Variants in CNTN5 observed in about 807,000 individuals in gnomAD.
CNTN5 encodes contactin-5.
CNTN5 carries 77 observed loss-of-function variants against 129.1 expected under a neutral mutation model. The ratio of observed to expected loss-of-function variants is 0.60; its 90% CI spans 0.50 to 0.72. The LOEUF is 0.72. Ranked by LOEUF, CNTN5 falls within the 30% of genes least tolerant of loss-of-function variation. The pLI, the probability that CNTN5 is intolerant of heterozygous loss-of-function variation, is 0.00. For missense variants in CNTN5, 1,478 were observed against 1,328.8 expected (o/e 1.11, Z -1.75); for synonymous variants, 509 against 465.6 (o/e 1.09, Z -1.20).
chr11:99,229,211 A>G (rs1271426881), intron 1 of CNTN5, among the ~76,000 whole-genome samples: 2 of 152,180 alleles, frequency 1.3e-5, no homozygotes, highest in East Asian at 3.9e-4. Flanking sequence ...ATAATTTAAC[A>G]TTGAATTTTT....
chr11:100,315,444 T>C (rs780479049), intron 21 of CNTN5, among the ~76,000 whole-genome samples: 6 of 152,220 alleles, frequency 3.9e-5, no homozygotes, highest in Non-Finnish European at 5.9e-5. Context: ...AGAATAGTTT[T>C]GCAAAAGACA....
At chr11:99,310,681 C>A (rs1244714679) in intron 1 of CNTN5, among the ~76,000 whole-genome samples, 1 of 152,132 alleles carries the variant, frequency 6.6e-6, no homozygotes, top group Non-Finnish European at 1.5e-5. Context: ...TTATTCAATA[C>A]ACACTATAAA....
chr11:100,184,622 G>T (rs754627049), intron 13 of CNTN5, among the ~76,000 whole-genome samples: 8 of 152,058 alleles, frequency 5.3e-5, no homozygotes, highest in Non-Finnish European at 1.0e-4. Context: ...GCCCTGCCTG[G>T]CCAACACCTT....
chr11:99,208,534 T>A (rs187261969), intron 1 of CNTN5, among the ~76,000 whole-genome samples: 31 of 152,278 alleles, frequency 2.0e-4, no homozygotes, highest in Middle Eastern at 6.8e-3. Context: ...AAGATTTCGA[T>A]TAAAGTTCAC....
chr11:99,442,055 G>T (rs1252944509), intron 2 of CNTN5, among the ~76,000 whole-genome samples: 1 of 152,074 alleles, frequency 6.6e-6, no homozygotes, highest in Non-Finnish European at 1.5e-5. Flanking sequence ...AAGCAGAATT[G>T]CTCTGCTACC....
At chr11:100,224,670 TG>T (rs1949335250) in intron 15 of CNTN5, 21 bp from the exon 16 acceptor site, 1 of 1,602,942 alleles carries the variant, frequency 6.2e-7, no homozygotes, top group African/African-American at 1.3e-5. Context: ...CATTTTAAAC[TG>T]GCACTTCATC....
At position 100,277,996 on chromosome 11, in the gene CNTN5, G is replaced by A. The variant is rs567001594; in HGVS notation, c.2314+6755G>A. Reference sequence around the variant, plus strand: ...TTTGATTTGATTTTTATATGGCAAGGTATAAGAGTCTAGTTTCACTTTTCT... The same window carrying A: ...TTTGATTTGATTTTTATATGGCAAGATATAAGAGTCTAGTTTCACTTTTCT... On this transcript the variant is annotated intron_variant, in intron 18 of 24. Transcript: ENST00000524871. Among the ~76,000 whole-genome samples the A allele has an allele frequency of 1.1e-4, 17 of 152,044 alleles. No homozygotes were observed. The South Asian group carries it at 2.3e-3, about 20-fold the overall frequency.
At chr11:100,326,513 A>C (rs1951789751) in intron 21 of CNTN5, among the ~76,000 whole-genome samples, 1 of 152,132 alleles carries the variant, frequency 6.6e-6, no homozygotes, top group South Asian at 2.1e-4. Context: ...TATATCTTCC[A>C]CCATGCCCCT....
At chr11:99,975,188 A>G (rs754143913) in intron 8 of CNTN5, among the ~76,000 whole-genome samples, 52 of 152,250 alleles carry the variant, frequency 3.4e-4, no homozygotes, top group Non-Finnish European at 6.8e-4. Context: ...TACAAAAAAC[A>G]TAAGAACAGT....
chr11:99,773,227 G>C (rs950510184), intron 3 of CNTN5, among the ~76,000 whole-genome samples: 3 of 152,064 alleles, frequency 2.0e-5, no homozygotes, highest in Admixed American at 2.0e-4. Flanking sequence ...AGATAACAAG[G>C]TTAAAAGATG....
At chr11:99,792,789 G>C (rs1274492281) in intron 3 of CNTN5, among the ~76,000 whole-genome samples, 1 of 152,040 alleles carries the variant, frequency 6.6e-6, no homozygotes, top group East Asian at 1.9e-4. Context: ...TTTTCTTACT[G>C]TTTCAAATGC....
intron 7 of CNTN5, among the ~76,000 whole-genome samples, chr11:99,948,392 C>T (rs1225081763): frequency 6.6e-6 from 1 of 152,148 alleles, no homozygotes; most frequent in African/African-American, 2.4e-5. Flanking sequence ...ACTTGCATGG[C>T]ATTGTGACCA....
intron 13 of CNTN5, among the ~76,000 whole-genome samples, chr11:100,180,681 A>G (rs537311897): frequency 6.6e-6 from 1 of 152,136 alleles, no homozygotes; most frequent in East Asian, 1.9e-4. Flanking sequence ...GGTAAAAAGG[A>G]TAAAAGGTAA....
chr11:100,297,487 T>C (rs999916551), intron 18 of CNTN5, 138 bp from the exon 19 acceptor site: 2 of 684,368 alleles, frequency 2.9e-6, no homozygotes, highest in Non-Finnish European at 5.3e-6. Context: ...AAGCAGGGTG[T>C]TTCTGTCACC....
intron 1 of CNTN5, among the ~76,000 whole-genome samples, chr11:99,258,067 C>G (rs959406391): frequency 7.2e-5 from 11 of 151,988 alleles, no homozygotes. Context: ...GAAATTCTCG[C>G]GGAGTTTTGA....
At chr11:99,351,996 C>A (rs2136083916) in intron 2 of CNTN5, among the ~76,000 whole-genome samples, 1 of 152,274 alleles carries the variant, frequency 6.6e-6, no homozygotes, top group East Asian at 1.9e-4. Context: ...AAATATAAAG[C>A]AGATGACATT....
intron 2 of CNTN5, among the ~76,000 whole-genome samples, chr11:99,359,374 C>T (rs1160067104): frequency 2.6e-5 from 4 of 151,962 alleles, no homozygotes; most frequent in Non-Finnish European, 5.9e-5. Context: ...GACCGAATCA[C>T]CTCTCAGAGA....
At chr11:99,201,022 C>CTTTTTTTTTTTTT (rs755605041) in intron 1 of CNTN5, among the ~76,000 whole-genome samples, 1 of 83,172 alleles carries the variant, frequency 1.2e-5, no homozygotes, top group Non-Finnish European at 2.2e-5. Context: ...TCCTTCCTTC[C>CTTTTTTTTTTTTT]TTTTTTTTTT....
At chr11:99,885,214 C>G (rs1054519551) in intron 6 of CNTN5, among the ~76,000 whole-genome samples, 1 of 151,708 alleles carries the variant, frequency 6.6e-6, no homozygotes, top group Non-Finnish European at 1.5e-5. Flanking sequence ...CCAGGGAGGT[C>G]GAGTTTCCAG....
Sources: allele counts gnomAD v4.1 joint callset (sites outside exome capture counted in the v4.1 genomes callset), GRCh38; gene constraint gnomAD v4.1.1; transcripts MANE v1.5; gene names NCBI Gene and HGNC (gene_info 2026-07-23, HGNC 2026-07-21).